The following PEX5L variants were observed in gnomAD, a reference collection of about 807,000 sequenced individuals.
PEX5L encodes peroxisomal biogenesis factor 5 like.
In PEX5L, 30 loss-of-function variants were observed where a neutral mutation model predicts 84.0. The observed-to-expected ratio is 0.36, with a 90% CI of 0.27 to 0.48. The LOEUF (loss-of-function observed/expected upper bound fraction) is 0.48. Ranked by LOEUF, PEX5L falls within the 20% of genes least tolerant of loss-of-function variation. The pLI is 0.99. For synonymous variants in PEX5L, 270 were observed against 283.1 expected (o/e 0.95, Z 0.46); for missense variants, 533 against 754.6 (o/e 0.71, Z 3.44).
At chr3:179,946,481 A>G (rs1777580099) in intron 2 of PEX5L, among the ~76,000 whole-genome samples, 1 of 152,250 alleles carries the variant, frequency 6.6e-6, no homozygotes, top group Non-Finnish European at 1.5e-5. Flanking sequence ...AAGAAAAAAC[A>G]TATGCGATAG....
At chr3:179,922,446 C>CTTT (rs1560723831) in intron 2 of PEX5L, among the ~76,000 whole-genome samples, 1 of 70,816 alleles carries the variant, frequency 1.4e-5, no homozygotes. Context: ...GCTTCCTTTT[C>CTTT]TTTTCTTTTT....
intron 1 of PEX5L, among the ~76,000 whole-genome samples, chr3:179,974,745 T>C (rs1785539712): frequency 6.6e-6 from 1 of 152,224 alleles, no homozygotes; most frequent in Non-Finnish European, 1.5e-5. Context: ...TTAAGAACAT[T>C]GAGCCTAACT....
In PEX5L at chr3:179,797,598, AAAAAAAAAT is replaced by A. The variant is rs1717465452; in HGVS notation, c.*4221_*4229del. On this transcript the variant is annotated 3_prime_UTR_variant, in exon 15 of 15. Coordinates refer to ENST00000467460, the MANE Select transcript of PEX5L (RefSeq NM_016559.3). ...ATCTATGAACACTCTTTAAAAAAAA[AAAAAAAAAT>A]ATATATATATATATATATATATATC... is the stretch of plus-strand genomic sequence containing the variant. 9.3e-6 allele frequency: 1 copy of A among 107,894 alleles called. No homozygotes were observed. The highest frequency in any genetic ancestry group is 3.9e-5 in the African/African-American group (1 of 25,476). The allele number at this position is 107,894 out of a possible 1,614,324, so 6.7% of individuals were successfully genotyped here. A position where few individuals can be genotyped will look rare whatever the true frequency, so the allele number is the denominator to read the frequency against.
At chr3:179,925,178 C>T (rs1560741032) in intron 2 of PEX5L, among the ~76,000 whole-genome samples, 4 of 152,152 alleles carry the variant, frequency 2.6e-5, no homozygotes, top group African/African-American at 7.2e-5. Context: ...TAATTCTGGT[C>T]ATTCTTTAAA....
chr3:179,978,428 T>C (rs1786013991), intron 1 of PEX5L, among the ~76,000 whole-genome samples: 1 of 152,214 alleles, frequency 6.6e-6, no homozygotes, highest in African/African-American at 2.4e-5. Context: ...TCTTTTCTAG[T>C]ATTTTATCAT....
chr3:179,815,843 A>ATGCCCTTTC lies in PEX5L; in HGVS notation c.1083+17_1083+18insGAAAGGGCA. 1 of 1,613,622 alleles carries ATGCCCTTTC rather than the reference A, an allele frequency of 6.2e-7. No homozygotes were observed. The highest frequency in any genetic ancestry group is 8.5e-7 in the Non-Finnish European group (1 of 1,179,728). ...ACATGCCCTTTCTGAGTCTGGCAGA[A>ATGCCCTTTC]TGAAGGGAGAATGACACCTCTGCAT... On this transcript the variant is annotated intron_variant, in intron 10 of 14. Coordinates refer to ENST00000467460, the MANE Select transcript of PEX5L (RefSeq NM_016559.3).
At chr3:179,953,317 C>A (rs1053789986) in intron 2 of PEX5L, among the ~76,000 whole-genome samples, 2 of 152,158 alleles carry the variant, frequency 1.3e-5, no homozygotes, top group Non-Finnish European at 2.9e-5. Context: ...GAACAAGCAA[C>A]CTACAGAATG....
At chr3:179,813,923 G>A (rs796420317) in intron 10 of PEX5L, among the ~76,000 whole-genome samples, 21 of 150,706 alleles carry the variant, frequency 1.4e-4, no homozygotes, top group African/African-American at 5.1e-4. Context: ...TGATCCACCC[G>A]CCTCGGCCTC....
At chr3:179,990,104 T>C (rs886523394) in intron 1 of PEX5L, among the ~76,000 whole-genome samples, 2 of 152,226 alleles carry the variant, frequency 1.3e-5, no homozygotes, top group South Asian at 2.1e-4. Context: ...GTCAGTACCA[T>C]TGGATCTTGT....
At chr3:179,897,917 AAAGTT>A (rs1184669297) in intron 3 of PEX5L, among the ~76,000 whole-genome samples, 1 of 152,144 alleles carries the variant, frequency 6.6e-6, no homozygotes, top group African/African-American at 2.4e-5. Context: ...TGTCTTAACT[AAAGTT>A]GAGTAATGAA....
chr3:179,933,075 T>G (rs1005150363), intron 2 of PEX5L, among the ~76,000 whole-genome samples: 4 of 152,196 alleles, frequency 2.6e-5, no homozygotes, highest in African/African-American at 7.2e-5. Context: ...GAGTTCAATT[T>G]TTTTAGATTC....
At chr3:180,011,416 G>A (rs183760882) in intron 1 of PEX5L, among the ~76,000 whole-genome samples, 22 of 152,248 alleles carry the variant, frequency 1.4e-4, no homozygotes, top group African/African-American at 4.3e-4. Context: ...ACTGTATATC[G>A]TAAGAAAACA....
intron 2 of PEX5L, among the ~76,000 whole-genome samples, chr3:179,898,636 G>A (rs2108991386): frequency 6.6e-6 from 1 of 152,192 alleles, no homozygotes; most frequent in African/African-American, 2.4e-5. Context: ...ACAGGAGTTT[G>A]GGATAGAGAT....
chr3:179,996,601 A>T (rs1330782813), intron 1 of PEX5L, among the ~76,000 whole-genome samples: 2 of 152,172 alleles, frequency 1.3e-5, no homozygotes, highest in Non-Finnish European at 2.9e-5. Flanking sequence ...TCCAGAAGAT[A>T]CACCCTTGAC....
intron 2 of PEX5L, among the ~76,000 whole-genome samples, chr3:179,947,148 G>A (rs945514767): frequency 6.6e-6 from 1 of 152,112 alleles, no homozygotes; most frequent in Non-Finnish European, 1.5e-5. Flanking sequence ...ATTGGTAGTG[G>A]CCTTTCTCAG....
rs183975638 is a variant in PEX5L, at chr3:179,996,088, G to C, written c.22-24423C>G. ...TGAGGTAAGAGTGGTGGCCTCCCTT[G>C]AGGTAGTTGCCAAGCAAGATAATGT... On this transcript the variant is annotated intron_variant, in intron 1 of 14. Coordinates refer to ENST00000467460, the MANE Select transcript of PEX5L (RefSeq NM_016559.3). 2.6e-5 allele frequency among the ~76,000 whole-genome samples: 4 copies of C among 152,256 alleles called. No homozygotes were observed. The East Asian group carries it at 7.7e-4, about 29-fold the overall frequency.
At chr3:179,853,585 A>C (rs967394125) in intron 8 of PEX5L, among the ~76,000 whole-genome samples, 1 of 152,178 alleles carries the variant, frequency 6.6e-6, no homozygotes, top group Non-Finnish European at 1.5e-5. Flanking sequence ...CCTAGTGGAC[A>C]GTGCATTTAG....
At chr3:179,868,790 G>T (rs956228994) in intron 7 of PEX5L, among the ~76,000 whole-genome samples, 3 of 151,858 alleles carry the variant, frequency 2.0e-5, no homozygotes, top group Non-Finnish European at 4.4e-5. Context: ...CTCCCATAAC[G>T]CATCCTGCAA....
chr3:179,802,550 AAAAAG>A (rs758474995), intron 14 of PEX5L, among the ~76,000 whole-genome samples: 96 of 131,566 alleles, frequency 7.3e-4, no homozygotes, highest in East Asian at 1.6e-3. Flanking sequence ...AAAAAAAAAA[AAAAAG>A]AAAAGAAAAG....
Sources: allele counts gnomAD v4.1 joint callset (sites outside exome capture counted in the v4.1 genomes callset), GRCh38; gene constraint gnomAD v4.1.1; transcripts MANE v1.5; gene names NCBI Gene and HGNC (gene_info 2026-07-23, HGNC 2026-07-21).